TMEM116: variants seen among roughly 807,000 people sequenced by gnomAD.
The protein encoded by TMEM116 is transmembrane protein 116.
Under a neutral mutation model 44.3 loss-of-function variants are expected in TMEM116, and 38 were observed. The observed-to-expected ratio is 0.86, with a 90% confidence interval of 0.66 to 1.12. The LOEUF is 1.12. Among genes scored for constraint, TMEM116 ranks in the 50% most tolerant of loss-of-function variants. TMEM116 has a pLI of 0.00. For synonymous variants in TMEM116, 132 were observed against 144.8 expected, an observed-to-expected ratio of 0.91 and a Z score of 0.64; for missense variants, 354 against 401.7, an observed-to-expected ratio of 0.88 and a Z score of 1.01.
chr12:111,985,740 G>A (rs1217251322), intron 4 of TMEM116, among the ~76,000 whole-genome samples: 4 of 151,938 alleles, frequency 2.6e-5, no homozygotes, highest in African/African-American at 9.7e-5. Context: ...GGAATTATAG[G>A]CGCACACCAC....
At chr12:111,994,659 T>C (rs755631297) in intron 3 of TMEM116, among the ~76,000 whole-genome samples, 11 of 152,204 alleles carry the variant, frequency 7.2e-5, no homozygotes, top group Non-Finnish European at 1.5e-4. Flanking sequence ...ATAGTGTGTG[T>C]GTCAGCAATT....
At chr12:111,976,379 C>G (rs1226752480) in intron 4 of TMEM116, among the ~76,000 whole-genome samples, 3 of 151,540 alleles carry the variant, frequency 2.0e-5, no homozygotes, top group East Asian at 3.9e-4. Flanking sequence ...AACATAAAAC[C>G]TGAGGCAGGA....
At chr12:112,009,535 TAAAAAAA>T (rs35585213) in intron 1 of TMEM116, among the ~76,000 whole-genome samples, 1 of 125,792 alleles carries the variant, frequency 7.9e-6, no homozygotes, top group African/African-American at 2.9e-5. Context: ...TGGGTTTACT[TAAAAAAA>T]AAAAAAAAAA....
chr12:111,948,545 G>A (rs2073458473), intron 4 of TMEM116, among the ~76,000 whole-genome samples: 1 of 152,090 alleles, frequency 6.6e-6, no homozygotes, highest in African/African-American at 2.4e-5. Context: ...AGATATTCAG[G>A]CCACCTGCAT....
intron 5 of TMEM116, among the ~76,000 whole-genome samples, chr12:111,940,548 C>CATATATATGTGTATATATATATATATAT (rs1206246251): frequency 4.2e-5 from 5 of 119,000 alleles, no homozygotes; most frequent in African/African-American, 1.6e-4. Context: ...TATATATACA[C>CATATATATGTGTATATATATATATATAT]ACACACATAT....
At chr12:111,945,343 CAAAAAAAAAAAAA>C (rs917839133) in intron 4 of TMEM116, among the ~76,000 whole-genome samples, 4 of 33,828 alleles carry the variant, frequency 1.2e-4, no homozygotes, top group Non-Finnish European at 2.3e-4. Context: ...GACTCCATCT[CAAAAAAAAAAAAA>C]AAAAAAAAAA....
intron 4 of TMEM116, among the ~76,000 whole-genome samples, chr12:111,989,977 C>A (rs927283607): frequency 6.6e-6 from 1 of 151,950 alleles, no homozygotes; most frequent in Non-Finnish European, 1.5e-5. Flanking sequence ...AGTAACAGGC[C>A]GGGTGCAGTG....
chr12:111,952,152 C>T (rs2073781418), intron 4 of TMEM116, among the ~76,000 whole-genome samples: 1 of 152,106 alleles, frequency 6.6e-6, no homozygotes. Context: ...TCACTTGAAC[C>T]TGGAAGATGG....
intron 3 of TMEM116, chr12:111,993,510 C>T (rs1476086383): frequency 9.2e-6 from 5 of 543,838 alleles, no homozygotes; most frequent in African/African-American, 1.9e-5. Flanking sequence ...GAATTCTTTG[C>T]TGTAATTGCC....
Position 111,958,809 on chromosome 12 carries a change from A to G in TMEM116, c.211-15440T>C, listed in dbSNP as rs929173933. Among the ~76,000 whole-genome samples, 4 of 152,312 alleles carry G rather than the reference A, an allele frequency of 2.6e-5. No individual in the cohort carries two copies. In the East Asian group the frequency reaches 7.7e-4, roughly 29 times the overall value. Reference sequence around the variant, plus strand: ...GACAAGATTGGAGAAAAAAGAATGAAAAAGAATGAACAAAGCCTCCAAGAA... The same window carrying G: ...GACAAGATTGGAGAAAAAAGAATGAGAAAGAATGAACAAAGCCTCCAAGAA... On this transcript the variant is annotated intron_variant, in intron 4 of 10. Coordinates refer to ENST00000552374, the MANE Select transcript of TMEM116 (RefSeq NM_001193531.2).
rs2072240057 is a variant in TMEM116, at chr12:111,937,248, G to A, written c.366-5C>T. ...ATCAATAGCAGAGGTATCAGGCTGG[G>A]AGGGAAAAAAAGTATCACCCTAATA... On this transcript the variant is annotated splice_region_variant and splice_polypyrimidine_tract_variant and intron_variant, in intron 6 of 10. Transcript: ENST00000552374. 6.2e-7 allele frequency: 1 copy of A among 1,612,482 alleles called. No homozygotes were observed. The highest frequency in any genetic ancestry group is 1.3e-5 in the African/African-American group (1 of 74,946).
chr12:112,004,484 G>C (rs12426505), intron 2 of TMEM116, among the ~76,000 whole-genome samples: 8 of 151,820 alleles, frequency 5.3e-5, no homozygotes, highest in Non-Finnish European at 8.8e-5. Flanking sequence ...ACAGGGTCTC[G>C]CTATGTTGCC....
At chr12:111,963,805 T>TA (rs2136405490) in intron 4 of TMEM116, among the ~76,000 whole-genome samples, 1 of 152,206 alleles carries the variant, frequency 6.6e-6, no homozygotes, top group South Asian at 2.1e-4. Context: ...CGCCAGAACT[T>TA]AAAGTATTTT....
chr12:111,976,130 T>G (rs1350277712), intron 4 of TMEM116, among the ~76,000 whole-genome samples: 2 of 151,426 alleles, frequency 1.3e-5, no homozygotes, highest in East Asian at 3.9e-4. Context: ...TGTCTCAGCC[T>G]CCTGAGTAGC....
chr12:112,003,909 G>C, intron 2 of TMEM116, 46 bp from the exon 3 acceptor site: 1 of 1,429,570 alleles, frequency 7.0e-7, no homozygotes, highest in Non-Finnish European at 9.1e-7. Context: ...GGACAATGGA[G>C]TGCCATCGTT....
intron 4 of TMEM116, among the ~76,000 whole-genome samples, chr12:111,984,521 A>T (rs1189829509): frequency 6.6e-6 from 1 of 152,172 alleles, no homozygotes; most frequent in Non-Finnish European, 1.5e-5. Flanking sequence ...AAAAGAATAA[A>T]TAAGACCTAC....
chr12:111,954,062 C>T (rs2136330523), intron 4 of TMEM116, among the ~76,000 whole-genome samples: 1 of 150,908 alleles, frequency 6.6e-6, no homozygotes, highest in East Asian at 2.0e-4. Context: ...AATTACACGC[C>T]AATAAAGCTG....
At chr12:111,935,876 A>G (rs1158463142) in intron 8 of TMEM116, 1 of 152,082 alleles carries the variant, frequency 6.6e-6, no homozygotes, top group East Asian at 1.9e-4. Flanking sequence ...CCTGGCCTCA[A>G]GTGATCTACC....
At chr12:111,970,858 C>T (rs1394299927) in intron 4 of TMEM116, among the ~76,000 whole-genome samples, 1 of 152,116 alleles carries the variant, frequency 6.6e-6, no homozygotes, top group Non-Finnish European at 1.5e-5. Context: ...TCCCAAAGTG[C>T]TGGGATTACA....
Sources: gnomAD v4.1 joint callset for allele counts (sites outside exome capture counted in the v4.1 genomes callset) on GRCh38, gnomAD v4.1.1 for gene constraint, MANE v1.5 for transcripts, NCBI Gene and HGNC (gene_info 2026-07-23, HGNC 2026-07-21) for gene names.